HYAL1: variants seen among roughly 807,000 people sequenced by gnomAD.
HYAL1 encodes the protein hyaluronidase 1, also known as hyaluronidase-1.
A neutral mutation model predicts 28.8 loss-of-function variants in HYAL1; 21 were observed. That is an observed-to-expected ratio of 0.73 (90% CI 0.52 to 1.05). HYAL1 has a LOEUF of 1.05. Among genes scored for constraint, HYAL1 ranks in the 50% least tolerant of loss-of-function variants. The pLI is 0.00. For missense variants in HYAL1, 491 were observed against 579.2 expected (o/e 0.85, Z 1.56); for synonymous variants, 200 against 230.1 (o/e 0.87, Z 1.18).
upstream of HYAL1, among the ~76,000 whole-genome samples, chr3:50,305,019 G>T (rs182053294): frequency 6.6e-6 from 1 of 152,338 alleles, no homozygotes; most frequent in East Asian, 1.9e-4. Context: ...GCTGGGAACC[G>T]CTCAGGACAA....
Position 50,301,043 on chromosome 3 carries a change from G to A in HYAL1, c.935C>T (p.Ala312Val). Residue 312 changes from alanine (A) to valine (V), a missense_variant, in exon 3 of 4, where the codon GCC (alanine) becomes GTC (valine). By Grantham distance (64) the Ala-to-Val change is moderately conservative. Coordinates refer to ENST00000395144, the MANE Select transcript of HYAL1 (RefSeq NM_033159.4). ...ELEHSLGESA[A>V]QGAAGVVLWV... ...GAGCACCACTCCAGCTGCCCCCTGGGCCGCACTCTCCCCCAGGCTGTGCTC... is the reference window on the plus strand; with the variant it reads ...GAGCACCACTCCAGCTGCCCCCTGGACCGCACTCTCCCCCAGGCTGTGCTC... The A allele has an allele frequency of 6.2e-7, 1 of 1,609,854 alleles. No homozygotes were observed. Among genetic ancestry groups the A allele is most frequent in the Non-Finnish European group, 8.5e-7 (1 of 1,178,590 alleles).
intron 1 of HYAL1, among the ~76,000 whole-genome samples, chr3:50,311,331 C>T: frequency 7.1e-6 from 1 of 141,698 alleles, no homozygotes; most frequent in Non-Finnish European, 1.6e-5. Flanking sequence ...CCCCCCACCT[C>T]CCTCCCGGAC....
chr3:50,300,939 T>TGGGGGGGGGGG, intron 3 of HYAL1, 49 bp downstream of exon 3: 24 of 959,354 alleles, frequency 2.5e-5, no homozygotes, highest in Non-Finnish European at 3.7e-5. Flanking sequence ...GTCAGCTTAA[T>TGGGGGGGGGGG]GGCCCCACCC....
At chr3:50,303,032 C>T (rs931354362) in intron 1 of HYAL1, 52 bp from the exon 2 acceptor site, 53 of 1,391,286 alleles carry the variant, frequency 3.8e-5, no homozygotes, top group Admixed American at 7.3e-5. Flanking sequence ...CCGATTCCCC[C>T]ACTGCTCAGG....
chr3:50,311,671 T>G (rs1702461042), intron 1 of HYAL1, among the ~76,000 whole-genome samples: 1 of 132,618 alleles, frequency 7.5e-6, no homozygotes, highest in Admixed American at 7.7e-5. Flanking sequence ...GGCGGGGGGC[T>G]GACCCCCCAA....
At chr3:50,306,292 C>T (rs782655926), upstream of HYAL1, among the ~76,000 whole-genome samples, 2 of 137,708 alleles carry the variant, frequency 1.5e-5, no homozygotes, top group African/African-American at 2.8e-5. Flanking sequence ...GCTTCCATGA[C>T]GATGGAAGGC....
Position 50,303,539 on chromosome 3 carries a change from T to G in HYAL1, c.-98A>C, listed in dbSNP as rs587692624. The G allele has an allele frequency of 6.6e-6, 1 of 152,474 alleles. No individual in the cohort carries two copies. The highest frequency in any genetic ancestry group is 2.4e-5 in the African/African-American group (1 of 41,576). 9.4% of individuals were successfully genotyped at this position (152,474 alleles called of 1,614,324 possible). A position where few individuals can be genotyped will look rare whatever the true frequency, so the allele number is the denominator to read the frequency against. On this transcript the variant is annotated 5_prime_UTR_variant, in exon 1 of 4. Coordinates refer to ENST00000395144, the MANE Select transcript of HYAL1 (RefSeq NM_033159.4). ...GGGCCTAAGCAGGGCCTGGCCAGAT[T>G]CCACCCCAGCTGCACCAGAGACTCC...
intron 3 of HYAL1, 23 bp downstream of exon 3, chr3:50,300,965 C>A (rs782454520): frequency 4.6e-6 from 3 of 647,792 alleles, no homozygotes; most frequent in Non-Finnish European, 8.2e-6. Context: ...CCACCCCCAC[C>A]CTCATGCCAG....
chr3:50,308,397 G>A (rs1702380344), upstream of HYAL1, among the ~76,000 whole-genome samples: 1 of 151,188 alleles, frequency 6.6e-6, no homozygotes, highest in African/African-American at 2.5e-5. Flanking sequence ...AAAATGCTAG[G>A]ATTACAGGCG....
chr3:50,312,098 G>T, intron 1 of HYAL1, among the ~76,000 whole-genome samples: 1 of 148,492 alleles, frequency 6.7e-6, no homozygotes, highest in African/African-American at 2.5e-5. Context: ...CCCGGACGGG[G>T]CGGCTGGCCG....
upstream of HYAL1, among the ~76,000 whole-genome samples, chr3:50,306,390 A>G (rs1702336183): frequency 1.3e-5 from 2 of 150,700 alleles, no homozygotes; most frequent in African/African-American, 2.5e-5. Flanking sequence ...AGAGCAGTCT[A>G]CAGCCTGAGA....
At chr3:50,307,774 T>C (rs1293495685), upstream of HYAL1, among the ~76,000 whole-genome samples, 4 of 146,440 alleles carry the variant, frequency 2.7e-5, no homozygotes, top group African/African-American at 7.8e-5. Flanking sequence ...GAACAGTCAG[T>C]GTAAGTCACA....
At chr3:50,309,278 A>T (rs1460796741) in intron 2 of HYAL1, among the ~76,000 whole-genome samples, 2 of 150,488 alleles carry the variant, frequency 1.3e-5, no homozygotes. Flanking sequence ...AGCCTGGCCA[A>T]CATGGCAAAA....
chr3:50,301,172 T>G, intron 2 of HYAL1, 95 bp from the exon 3 acceptor site: 1 of 821,154 alleles, frequency 1.2e-6, no homozygotes, highest in Non-Finnish European at 2.0e-6. Context: ...TTCATAACCT[T>G]CACCTGGGGC....
chr3:50,310,164 A>C (rs76579309), intron 1 of HYAL1, among the ~76,000 whole-genome samples: 14,071 of 151,080 alleles, frequency 0.093, 2,332 homozygotes, highest in East Asian at 0.6. Flanking sequence ...ACAGTTTGGA[A>C]TGAATTTTTC....
In HYAL1 at chr3:50,301,086, G is replaced by T; in HGVS notation, c.901-9C>A. 6.3e-7 allele frequency: 1 copy of T among 1,597,902 alleles called. No individual in the cohort carries two copies. Among genetic ancestry groups the T allele is most frequent in the Non-Finnish European group, 8.6e-7 (1 of 1,165,794 alleles). Reference sequence around the variant, plus strand: ...CTGTGCTCCAGCTCATCCTGGGAAGGAGACAGCACAGCTCTGTGGGGCCTC... The same window carrying T: ...CTGTGCTCCAGCTCATCCTGGGAAGTAGACAGCACAGCTCTGTGGGGCCTC... On this transcript the variant is annotated splice_polypyrimidine_tract_variant and intron_variant, in intron 2 of 3. Transcript: ENST00000395144.
At position 50,302,746 on chromosome 3, in the gene HYAL1, T is replaced by C. The variant is rs1553713368; in HGVS notation, c.211A>G (p.Met71Val). 6 of 1,613,952 alleles carry C rather than the reference T, an allele frequency of 3.7e-6. No individual in the cohort carries two copies. Among genetic ancestry groups the C allele is most frequent in the East Asian group, 4.5e-5 (2 of 44,882 alleles). ...AGCTGGGAGCTATAGAAAATTGTCATGTCAGGGCCGCGGAAGGTCTGCCCT... is the reference window on the plus strand; with the variant it reads ...AGCTGGGAGCTATAGAAAATTGTCACGTCAGGGCCGCGGAAGGTCTGCCCT... ...NPGQTFRGPD[M>V]TIFYSSQLGT... Residue 71 changes from methionine (M) to valine (V), a missense_variant, in exon 2 of 4, where the codon ATG becomes GTG. Physicochemically the swap from Met to Val is conservative, Grantham distance 21. Transcript: ENST00000395144. This position sits in a 1 kb window ranked among gnomAD's most constrained non-coding sequence, Gnocchi z 5.0.
At position 50,300,584 on chromosome 3, in the gene HYAL1, C is replaced by T. The variant is rs1553712429; in HGVS notation, c.1207G>A (p.Ala403Thr). The T allele has an allele frequency of 1.9e-6, 3 of 1,614,192 alleles. No homozygotes were observed. The Admixed American group carries it at 5.0e-5, about 27-fold the overall frequency. The change falls in exon 4 of 4, where the codon GCC (alanine) becomes ACC (threonine). Residue 403 changes from alanine to threonine, a missense_variant. Coordinates refer to ENST00000395144, the MANE Select transcript of HYAL1 (RefSeq NM_033159.4). ...PGGGPLSLRG[A>T]LSLEDQAQMA... ...TGTGCCTGATCTTCAAGTGAGAGGG[C>T]ACCCCGCAGGCTCAGGGGCCCACCA...
At chr3:50,305,355 T>C (rs1265249876), upstream of HYAL1, among the ~76,000 whole-genome samples, 2 of 152,112 alleles carry the variant, frequency 1.3e-5, no homozygotes, top group Non-Finnish European at 2.9e-5. Context: ...GCCATTCTCC[T>C]GCCTCAGCCT....
Sources: gnomAD v4.1 joint callset for allele counts (sites outside exome capture counted in the v4.1 genomes callset) on GRCh38, gnomAD v4.1.1 for gene constraint, Gnocchi (gnomAD v3.1) non-coding constraint, MANE v1.5 for transcripts, NCBI Gene and HGNC (gene_info 2026-07-23, HGNC 2026-07-21) for gene names.